TESC: variants seen among roughly 807,000 people sequenced by gnomAD.
The protein encoded by TESC is tescalcin.
A neutral mutation model predicts 31.0 loss-of-function variants in TESC; 19 were observed. The ratio of observed to expected loss-of-function variants is 0.61; its 90% CI spans 0.43 to 0.90. TESC has a LOEUF of 0.90. Among genes scored for constraint, TESC ranks in the 40% least tolerant of loss-of-function variants. TESC has a pLI of 0.00. For synonymous variants in TESC, 109 were observed against 114.8 expected, an observed-to-expected ratio of 0.95 and a Z score of 0.32; for missense variants, 248 against 303.8, an observed-to-expected ratio of 0.82 and a Z score of 1.36.
chr12:117,061,906 T>C (rs1291115757), intron 2 of TESC, among the ~76,000 whole-genome samples: 1 of 152,158 alleles, frequency 6.6e-6, no homozygotes, highest in Non-Finnish European at 1.5e-5. Context: ...TGATTTCTCA[T>C]ATGTAAAATG....
intron 2 of TESC, among the ~76,000 whole-genome samples, chr12:117,073,759 A>T (rs1955011039): frequency 6.6e-6 from 1 of 152,182 alleles, no homozygotes; most frequent in South Asian, 2.1e-4. Context: ...CTGTGTGACG[A>T]TCAAGTCACT....
intron 3 of TESC, among the ~76,000 whole-genome samples, chr12:117,051,068 T>G (rs7297917): frequency 0.45 from 68,691 of 152,082 alleles, 17,951 homozygotes; most frequent in African/African-American, 0.73. Flanking sequence ...CAAGCTCAAG[T>G]TTCTGCCACA....
intron 6 of TESC, among the ~76,000 whole-genome samples, chr12:117,045,844 A>T (rs1404744169): frequency 6.6e-6 from 1 of 152,230 alleles, no homozygotes; most frequent in Non-Finnish European, 1.5e-5. Flanking sequence ...CCAGGTGGTC[A>T]CCTGCCTGCC....
chr12:117,097,291 C>T (rs1955408373), intron 1 of TESC, among the ~76,000 whole-genome samples: 1 of 152,184 alleles, frequency 6.6e-6, no homozygotes, highest in Admixed American at 6.5e-5. Flanking sequence ...AGAAGGGAAG[C>T]CGCTGCAGCT....
At chr12:117,061,778 T>C (rs534746669) in intron 2 of TESC, among the ~76,000 whole-genome samples, 1 of 152,224 alleles carries the variant, frequency 6.6e-6, no homozygotes, top group Non-Finnish European at 1.5e-5. Flanking sequence ...ACCTAATCCT[T>C]CCCATATCAA....
intron 1 of TESC, among the ~76,000 whole-genome samples, chr12:117,075,757 TG>T (rs1036402205): frequency 6.7e-6 from 1 of 149,420 alleles, no homozygotes; most frequent in Non-Finnish European, 1.5e-5. Context: ...CTCCACCTCC[TG>T]GGCTCCAGAG....
chr12:117,052,840 C>T (rs1565961651), intron 3 of TESC, among the ~76,000 whole-genome samples: 2 of 152,114 alleles, frequency 1.3e-5, no homozygotes, highest in Non-Finnish European at 2.9e-5. Context: ...GCTGCCTGGC[C>T]CAGCCCCCAC....
intron 2 of TESC, among the ~76,000 whole-genome samples, chr12:117,074,142 C>G (rs1382911269): frequency 6.6e-6 from 1 of 151,934 alleles, no homozygotes; most frequent in African/African-American, 2.4e-5. Flanking sequence ...GGAGGATCAC[C>G]TGAGCCCAGG....
chr12:117,084,946 G>A (rs1955196522), intron 1 of TESC, among the ~76,000 whole-genome samples: 1 of 152,258 alleles, frequency 6.6e-6, no homozygotes, highest in Non-Finnish European at 1.5e-5. Flanking sequence ...TTTGCTAGGT[G>A]CTTGCTAGAG....
intron 1 of TESC, among the ~76,000 whole-genome samples, chr12:117,082,830 T>C (rs1955166683): frequency 6.6e-6 from 1 of 152,252 alleles, no homozygotes; most frequent in Non-Finnish European, 1.5e-5. Flanking sequence ...CTAAATTTGG[T>C]TATCTGTCCC....
At chr12:117,078,175 A>G (rs956823128) in intron 1 of TESC, among the ~76,000 whole-genome samples, 2 of 152,172 alleles carry the variant, frequency 1.3e-5, no homozygotes, top group Admixed American at 1.3e-4. Flanking sequence ...TGACCATCAA[A>G]AGCAGATTGG....
intron 2 of TESC, among the ~76,000 whole-genome samples, chr12:117,074,382 T>C (rs541914943): frequency 6.6e-6 from 1 of 152,038 alleles, no homozygotes; most frequent in South Asian, 2.1e-4. Flanking sequence ...AAATTAAAAA[T>C]ACCCAAATAA....
At chr12:117,080,452 A>G (rs889809991) in intron 1 of TESC, among the ~76,000 whole-genome samples, 10 of 151,518 alleles carry the variant, frequency 6.6e-5, no homozygotes, top group African/African-American at 2.4e-4. Flanking sequence ...TGGGTGATGG[A>G]AAAAAAAAGA....
intron 2 of TESC, among the ~76,000 whole-genome samples, chr12:117,071,931 G>T (rs1199808519): frequency 6.6e-6 from 1 of 152,164 alleles, no homozygotes; most frequent in Non-Finnish European, 1.5e-5. Context: ...AGAGTCTCAG[G>T]CCCCACCCTA....
chr12:117,067,988 C>T (rs55986180), intron 2 of TESC, among the ~76,000 whole-genome samples: 21,100 of 152,126 alleles, frequency 0.14, 1,640 homozygotes, highest in Middle Eastern at 0.21. Flanking sequence ...ACCTCCCAGG[C>T]TCAAACAATC....
intron 1 of TESC, among the ~76,000 whole-genome samples, chr12:117,093,732 G>A (rs547668757): frequency 1.4e-4 from 22 of 152,202 alleles, no homozygotes; most frequent in South Asian, 4.2e-4. Context: ...CCACGCGCCC[G>A]AGAAACATTA....
At position 117,039,127 on chromosome 12, in the gene TESC, G is replaced by A. The variant is rs777884710; in HGVS notation, c.*6C>T. 5.1e-5 allele frequency: 82 copies of A among 1,613,836 alleles called. No individual in the cohort carries two copies. In the South Asian group the frequency reaches 6.3e-4, roughly 12 times the overall value. ...AGTGCAGTTTCTCCGCGGAGGTGGC[G>A]GTGGGTCAGTGGCAGAGGGCCATGG... On this transcript the variant is annotated 3_prime_UTR_variant, in exon 8 of 8. Transcript: ENST00000335209.
intron 7 of TESC, among the ~76,000 whole-genome samples, chr12:117,041,360 TCTCA>T (rs1011515015): frequency 6.6e-6 from 1 of 150,880 alleles, no homozygotes; most frequent in African/African-American, 2.4e-5. Context: ...TGAGATGGGG[TCTCA>T]CTCTATCACC....
intron 6 of TESC, chr12:117,046,330 A>G: frequency 1.8e-6 from 1 of 556,118 alleles, no homozygotes; most frequent in Non-Finnish European, 3.2e-6. Context: ...TGGACCCCAA[A>G]GCCTGAGATC....
Sources: allele counts gnomAD v4.1 joint callset (sites outside exome capture counted in the v4.1 genomes callset), GRCh38; gene constraint gnomAD v4.1.1; transcripts MANE v1.5; gene names NCBI Gene and HGNC (gene_info 2026-07-23, HGNC 2026-07-21).